Variants in ZNF638 observed in about 807,000 individuals in gnomAD.
The protein encoded by ZNF638 is CTCL tumor antigen se33-1.
ZNF638 carries 46 observed loss-of-function variants against 195.6 expected under a neutral mutation model. That is an observed-to-expected ratio of 0.24 (90% confidence interval 0.19 to 0.30). ZNF638 has a LOEUF of 0.30. ZNF638 is among the 10% of genes least tolerant of loss of function. The probability of loss-of-function intolerance (pLI) is 1.00; values close to 1 mark genes in which losing one functional copy is unlikely to be tolerated. For synonymous variants in ZNF638, 845 were observed against 772.0 expected (o/e 1.09, Z -1.57); for missense variants, 2,440 against 2,325.3 (o/e 1.05, Z -1.01).
At chr2:71,405,441 A>G (rs2080087631) in intron 17 of ZNF638, among the ~76,000 whole-genome samples, 160 bp from the exon 18 acceptor site, 2 of 152,042 alleles carry the variant, frequency 1.3e-5, no homozygotes, top group Non-Finnish European at 2.9e-5. Flanking sequence ...TTAGGAGAGA[A>G]AGATTTTTGG....
At chr2:71,362,125 C>T (rs1244007003) in intron 3 of ZNF638, among the ~76,000 whole-genome samples, 1 of 152,156 alleles carries the variant, frequency 6.6e-6, no homozygotes, top group East Asian at 1.9e-4. Context: ...AAGATACAGC[C>T]TTTTTCTTAG....
At chr2:71,408,910 T>C (rs2080157670) in intron 20 of ZNF638, 1 of 192,092 alleles carries the variant, frequency 5.2e-6, no homozygotes, top group South Asian at 8.7e-5. Context: ...TGTATTATGA[T>C]AGGTACCAGT....
At chr2:71,432,755 T>C (rs1471339801) in intron 26 of ZNF638, among the ~76,000 whole-genome samples, 4 of 152,246 alleles carry the variant, frequency 2.6e-5, no homozygotes, top group Admixed American at 6.5e-5. Context: ...ACTGTTCTTA[T>C]ATTTAAGTAT....
chr2:71,381,137 G>A (rs960856053), intron 10 of ZNF638, among the ~76,000 whole-genome samples: 1 of 152,050 alleles, frequency 6.6e-6, no homozygotes, highest in Non-Finnish European at 1.5e-5. Flanking sequence ...GGACTAGAAA[G>A]GTGGAAAGTT....
At chr2:71,360,187 G>A (rs1433206143) in intron 3 of ZNF638, among the ~76,000 whole-genome samples, 1 of 152,044 alleles carries the variant, frequency 6.6e-6, no homozygotes, top group African/African-American at 2.4e-5. Context: ...AAGAGAAAAA[G>A]GAAGAAAAAC....
intron 1 of ZNF638, among the ~76,000 whole-genome samples, chr2:71,334,288 A>T (rs1055215112): frequency 1.3e-5 from 2 of 152,234 alleles, no homozygotes; most frequent in Non-Finnish European, 2.9e-5. Flanking sequence ...AATCCTTAAT[A>T]AAATGCCTTA....
intron 6 of ZNF638, among the ~76,000 whole-genome samples, chr2:71,366,470 T>A (rs1050576173): frequency 6.6e-6 from 1 of 152,236 alleles, no homozygotes; most frequent in Admixed American, 6.5e-5. Flanking sequence ...TTTACTGGTT[T>A]TTCTTGTGAG....
chr2:71,405,699 T>C, intron 18 of ZNF638, 57 bp downstream of exon 18: 1 of 1,272,182 alleles, frequency 7.9e-7, no homozygotes, highest in African/African-American at 1.5e-5. Context: ...AAACATTGTT[T>C]TACTTGTTTG....
rs763628553 is a variant in ZNF638 at position 71,396,203 on chromosome 2, T to A, written c.2428+12T>A. The A allele has an allele frequency of 7.5e-6, 12 of 1,608,140 alleles. No individual in the cohort carries two copies. The highest frequency in any genetic ancestry group is 1.6e-4 in the Middle Eastern group (1 of 6,064). ...AAACAAATCTACAGGTATGTTTTTT[T>A]AATTAGGATTCTAGACTATTAGTTA... On this transcript the variant is annotated intron_variant, in intron 11 of 27. Transcript: ENST00000264447.
chr2:71,358,477 A>G (rs961025989), intron 3 of ZNF638, among the ~76,000 whole-genome samples: 8 of 152,256 alleles, frequency 5.3e-5, no homozygotes, highest in African/African-American at 1.9e-4. Context: ...TGTGTGTATT[A>G]GCACCTGTAT....
At chr2:71,429,583 A>G (rs1230095016) in intron 25 of ZNF638, among the ~76,000 whole-genome samples, 3 of 152,174 alleles carry the variant, frequency 2.0e-5, no homozygotes, top group Non-Finnish European at 4.4e-5. Flanking sequence ...TATCCCTTTG[A>G]CCTTGAAATC....
intron 10 of ZNF638, chr2:71,395,765 T>C: frequency 2.6e-6 from 1 of 387,512 alleles, no homozygotes; most frequent in East Asian, 6.2e-5. Flanking sequence ...TACCTGTGTC[T>C]GTGTACTTTT....
At chr2:71,333,959 C>T (rs925102622) in intron 1 of ZNF638, among the ~76,000 whole-genome samples, 1 of 152,200 alleles carries the variant, frequency 6.6e-6, no homozygotes. Flanking sequence ...GTATTCTCTT[C>T]TAATTAAACG....
intron 8 of ZNF638, among the ~76,000 whole-genome samples, chr2:71,372,979 T>A (rs1278454762): frequency 6.6e-6 from 1 of 152,202 alleles, no homozygotes; most frequent in Non-Finnish European, 1.5e-5. Context: ...TTGTGTACCT[T>A]CACAGGCCAT....
At chr2:71,405,700 T>C (rs2080092501) in intron 18 of ZNF638, 58 bp downstream of exon 18, 2 of 1,260,236 alleles carry the variant, frequency 1.6e-6, no homozygotes, top group African/African-American at 3.1e-5. Flanking sequence ...AACATTGTTT[T>C]ACTTGTTTGC....
intron 10 of ZNF638, among the ~76,000 whole-genome samples, chr2:71,391,244 TTCTTCAAG>T (rs1166621099): frequency 9.9e-5 from 15 of 152,236 alleles, no homozygotes; most frequent in Non-Finnish European, 7.3e-5. Flanking sequence ...CCTGTGGCAA[TTCTTCAAG>T]ATAGGCCTAT....
chr2:71,362,442 G>A (rs1290055366), intron 3 of ZNF638, among the ~76,000 whole-genome samples: 1 of 151,906 alleles, frequency 6.6e-6, no homozygotes, highest in Non-Finnish European at 1.5e-5. Context: ...AGTTCCCATT[G>A]TTTTTTTCCT....
rs2080144184 is a variant in ZNF638 at position 71,408,237 on chromosome 2, A to G, written c.3251A>G (p.Asp1084Gly). 6.2e-7 allele frequency: 1 copy of G among 1,609,642 alleles called. No individual in the cohort carries two copies. The highest frequency in any genetic ancestry group is 8.5e-7 in the Non-Finnish European group (1 of 1,178,648). Reference sequence around the variant, plus strand: ...ACCTGCTCATTATCTCCAAAGATAGACTTACCAGAGGTAAGATTTATCTTT... The same window carrying G: ...ACCTGCTCATTATCTCCAAAGATAGGCTTACCAGAGGTAAGATTTATCTTT... The part of the protein sequence containing the change: ...MLTCSLSPKI[D>G]LPEVQIEHDP... The change falls in exon 20 of 28, where the codon GAC becomes GGC. Residue 1084 changes from aspartate (D) to glycine (G), a missense_variant. Physicochemically the swap from Asp to Gly is moderately conservative, Grantham distance 94. Coordinates refer to ENST00000264447, the MANE Select transcript of ZNF638 (RefSeq NM_014497.5).
chr2:71,355,073 A>G (rs920846485), intron 2 of ZNF638, among the ~76,000 whole-genome samples: 3 of 152,034 alleles, frequency 2.0e-5, no homozygotes, highest in East Asian at 1.9e-4. Flanking sequence ...GGTTCACGCC[A>G]TTCTCCTGCG....
Sources: allele counts gnomAD v4.1 joint callset (sites outside exome capture counted in the v4.1 genomes callset), GRCh38; gene constraint gnomAD v4.1.1; transcripts MANE v1.5; gene names NCBI Gene and HGNC (gene_info 2026-07-23, HGNC 2026-07-21).